The following KRT2 variants were observed in gnomAD, a reference collection of about 807,000 sequenced individuals.
KRT2 encodes the protein keratin, type II cytoskeletal 2 epidermal.
Under a neutral mutation model 48.5 loss-of-function variants are expected in KRT2, and 37 were observed. That is an observed-to-expected ratio of 0.76 (90% CI 0.59 to 1.00). The LOEUF (loss-of-function observed/expected upper bound fraction) is 1.00, where lower values mean the gene tolerates loss of function less well. Among genes scored for constraint, KRT2 ranks in the 50% least tolerant of loss-of-function variants. KRT2 has a pLI of 0.00. For synonymous variants in KRT2, 324 were observed against 312.2 expected (o/e 1.04, Z -0.40); for missense variants, 880 against 815.2 (o/e 1.08, Z -0.97).
chr12:52,647,422 G>A (rs554835906), intron 6 of KRT2, among the ~76,000 whole-genome samples: 5 of 152,212 alleles, frequency 3.3e-5, no homozygotes, highest in Non-Finnish European at 7.3e-5. Flanking sequence ...AGCTCCATCG[G>A]CAATCTGCAG....
Position 52,652,087 on chromosome 12 carries a change from A to G in KRT2, c.56T>C (p.Phe19Ser), listed in dbSNP as rs753933142. 1 of 1,594,678 alleles carries G rather than the reference A, an allele frequency of 6.3e-7. No individual in the cohort carries two copies. Among genetic ancestry groups the G allele is most frequent in the East Asian group, 2.2e-5 (1 of 44,750 alleles). The change falls in exon 1 of 9, where the codon TTC becomes TCC. Residue 19 changes from phenylalanine (F) to serine (S), a missense_variant. By Grantham distance (155) the Phe-to-Ser change is radical. Transcript: ENST00000309680. ...AGCTGAGCCGCTGCTGAAGCCCCGG[A>G]ATCCTCCTCCACCTCCTCCTCTTCC... ...SRGRGGGGGGFRGFSSGSAVV... is the reference protein window; with the variant it reads ...SRGRGGGGGGSRGFSSGSAVV...
Position 52,651,652 on chromosome 12 carries a change from T to C in KRT2, c.491A>G (p.Asn164Ser). The change falls in exon 1 of 9, where the codon AAC (asparagine) becomes AGC (serine). Residue 164 changes from asparagine (N) to serine (S), a missense_variant. Physicochemically the swap from Asn to Ser is conservative, Grantham distance 46 (BLOSUM62 1). Transcript: ENST00000309680. ...SVNQSLLQPLNVKVDPEIQNV... is the reference protein window; with the variant it reads ...SVNQSLLQPLSVKVDPEIQNV... ...CTGGATCTCTGGGTCAACTTTCACG[T>C]TGAGAGGCTGCAGGAGGCTCTGGTT... 3 of 1,614,046 alleles carry C rather than the reference T, an allele frequency of 1.9e-6. No individual in the cohort carries two copies. Among genetic ancestry groups the C allele is most frequent in the Non-Finnish European group, 2.5e-6 (3 of 1,179,980 alleles).
chr12:52,645,556 G>T lies in KRT2; in HGVS notation c.1483C>A (p.Leu495Ile). 1 of 1,614,178 alleles carries T rather than the reference G, an allele frequency of 6.2e-7. No individual in the cohort carries two copies. Among genetic ancestry groups the T allele is most frequent in the Non-Finnish European group, 8.5e-7 (1 of 1,180,030 alleles). ...TTACACACAGTCACATTGCTGCTGA[G>T]GTCTCCAGACATCCTGTAAGGGAGA... ...EGEECRMSGD[L>I]SSNVTVSVTS... Residue 495 changes from leucine (L) to isoleucine (I), a missense_variant, in exon 8 of 9, where the codon CTC (leucine) becomes ATC (isoleucine). Physicochemically the swap from Leu to Ile is conservative, Grantham distance 5 (BLOSUM62 2). Transcript: ENST00000309680.
chr12:52,648,319 G>A lies in KRT2; in HGVS notation c.976C>T (p.Gln326Ter). Reference protein sequence around the residue: ...LYDAEISQIHQSVTDTNVILS... With the variant: ...LYDAEISQIH ...ATGACGTTGGTGTCAGTGACACTCT[G>A]ATGTATCTGGGATATCTCCTACAAC... The change falls in exon 5 of 9, where the codon CAG becomes TAG. Residue 326 changes from glutamine (Q) to a stop codon, truncating the protein, a stop_gained. Transcript: ENST00000309680. LOFTEE classifies it high-confidence loss of function. The A allele has an allele frequency of 1.2e-6, 2 of 1,614,018 alleles. No individual in the cohort carries two copies. The highest frequency in any genetic ancestry group is 2.2e-5 in the East Asian group (1 of 44,872).
At chr12:52,650,063 C>T (rs544188336) in intron 2 of KRT2, 89 bp from the exon 3 acceptor site, 2 of 965,226 alleles carry the variant, frequency 2.1e-6, no homozygotes, top group African/African-American at 3.2e-5. Flanking sequence ...CCAAATGCCC[C>T]ATTCTCTGGG....
chr12:52,645,240 C>A lies in KRT2; in HGVS notation c.1699G>T (p.Gly567Cys), dbSNP rs199836359. 7 of 1,614,054 alleles carry A rather than the reference C, an allele frequency of 4.3e-6. No individual in the cohort carries two copies. The highest frequency in any genetic ancestry group is 5.1e-6 in the Non-Finnish European group (6 of 1,180,004). The change falls in exon 9 of 9, where the codon GGT becomes TGT. Residue 567 changes from glycine (G) to cysteine (C), a missense_variant. Physicochemically the swap from Gly to Cys is radical, Grantham distance 159. Coordinates refer to ENST00000309680, the MANE Select transcript of KRT2 (RefSeq NM_000423.3). ...SISGGGYGSG[G>C]GSGGRYGSGG... is the part of the protein sequence containing the mutation. Reference sequence around the variant, plus strand: ...GATCCGTATCTTCCTCCAGAACCACCGCCAGAGCCATATCCTCCTCCAGAG... The same window carrying A: ...GATCCGTATCTTCCTCCAGAACCACAGCCAGAGCCATATCCTCCTCCAGAG...
chr12:52,647,112 T>G (rs1592255663), intron 6 of KRT2, 152 bp from the exon 7 acceptor site: 5 of 727,376 alleles, frequency 6.9e-6, no homozygotes, highest in Non-Finnish European at 9.7e-6. Flanking sequence ...GACTTGCCGC[T>G]GTCTCTGGCA....
Position 52,646,936 on chromosome 12 carries a change from C to G in KRT2, c.1273G>C (p.Ala425Pro), listed in dbSNP as rs148103071. 22 of 1,614,084 alleles carry G rather than the reference C, an allele frequency of 1.4e-5. No individual in the cohort carries two copies. Among genetic ancestry groups the G allele is most frequent in the East Asian group, 2.2e-5 (1 of 44,874 alleles). The change falls in exon 7 of 9, where the codon GCA becomes CCA. Residue 425 changes from alanine to proline, a missense_variant. Ala to Pro is a conservative substitution (Grantham distance 27). Coordinates refer to ENST00000309680, the MANE Select transcript of KRT2 (RefSeq NM_000423.3). The part of the protein sequence containing the change: ...KQCKNVQDAI[A>P]DAEQRGEHAL... ...TGCTCCCCACGCTGCTCGGCATCTG[C>G]GATGGCATCTTGCACATTCTTACAC...
At chr12:52,648,385 G>T in intron 4 of KRT2, 48 bp from the exon 5 acceptor site, 1 of 1,542,156 alleles carries the variant, frequency 6.5e-7, no homozygotes, top group East Asian at 2.2e-5. Context: ...CATAGCTACA[G>T]GCAGACAGGA....
Position 52,651,731 on chromosome 12 carries a change from G to C in KRT2, c.412C>G (p.Pro138Ala). ...TATCCTCCAGGCCCAAAGCCACCAGGACCCCCTAAACCTCCAACACCACCA... is the reference window on the plus strand; with the variant it reads ...TATCCTCCAGGCCCAAAGCCACCAGCACCCCCTAAACCTCCAACACCACCA... Reference protein sequence around the residue: ...GPGGVGGLGGPGGFGPGGYPG... With the variant: ...GPGGVGGLGGAGGFGPGGYPG... The change falls in exon 1 of 9, where the codon CCT (proline) becomes GCT (alanine). Residue 138 changes from proline (P) to alanine (A), a missense_variant. Pro to Ala is a conservative substitution (Grantham distance 27). Coordinates refer to ENST00000309680, the MANE Select transcript of KRT2 (RefSeq NM_000423.3). The C allele has an allele frequency of 6.2e-7, 1 of 1,613,704 alleles. No individual in the cohort carries two copies. Among genetic ancestry groups the C allele is most frequent in the Non-Finnish European group, 8.5e-7 (1 of 1,179,932 alleles).
intron 4 of KRT2, among the ~76,000 whole-genome samples, chr12:52,648,676 G>A (rs1024939830): frequency 2.0e-5 from 3 of 152,170 alleles, no homozygotes; most frequent in Non-Finnish European, 4.4e-5. Context: ...AGGGGGATAG[G>A]AGACAAATGC....
At chr12:52,647,547 C>T (rs1053084123) in intron 6 of KRT2, among the ~76,000 whole-genome samples, 183 bp downstream of exon 6, 2 of 152,220 alleles carry the variant, frequency 1.3e-5, no homozygotes, top group African/African-American at 2.4e-5. Context: ...TCTATTAGAG[C>T]ACTCTAAGAA....
At chr12:52,648,088 T>C in intron 5 of KRT2, 85 bp downstream of exon 5, 1 of 1,478,568 alleles carries the variant, frequency 6.8e-7, no homozygotes, top group Non-Finnish European at 9.5e-7. Flanking sequence ...AAAAAACCAA[T>C]AACCTTACTG....
intron 6 of KRT2, 68 bp downstream of exon 6, chr12:52,647,662 C>T (rs1342132264): frequency 3.1e-5 from 49 of 1,589,818 alleles, no homozygotes; most frequent in Non-Finnish European, 1.8e-5. Flanking sequence ...CACACTCACA[C>T]ACAACCACAC....
Position 52,644,918 on chromosome 12 carries a change from A to G in KRT2, c.*101T>C, listed in dbSNP as rs1273396379. The G allele has an allele frequency of 7.4e-7, 1 of 1,346,262 alleles. No homozygotes were observed. The highest frequency in any genetic ancestry group is 1.5e-5 in the African/African-American group (1 of 68,542). The allele number at this position is 1,346,262 out of a possible 1,614,324, so 83.4% of individuals were successfully genotyped here. A position where few individuals can be genotyped will look rare whatever the true frequency, so the allele number is the denominator to read the frequency against. On this transcript the variant is annotated 3_prime_UTR_variant, in exon 9 of 9. Coordinates refer to ENST00000309680, the MANE Select transcript of KRT2 (RefSeq NM_000423.3). ...AAAGTGCCATCAGAGATAAATGACA[A>G]AAATTTAACTTGCTGCCAGTTAGAG...
At position 52,650,039 on chromosome 12, in the gene KRT2, A is replaced by G. The variant is rs564919896; in HGVS notation, c.801-65T>C. ...CCTTCATTTTTTTTCTTTTCCTTTTATACTGGATTCACCCCAAATGCCCCA... is the reference window on the plus strand; with the variant it reads ...CCTTCATTTTTTTTCTTTTCCTTTTGTACTGGATTCACCCCAAATGCCCCA... On this transcript the variant is annotated intron_variant, in intron 2 of 8. Coordinates refer to ENST00000309680, the MANE Select transcript of KRT2 (RefSeq NM_000423.3). 3 of 1,219,060 alleles carry G rather than the reference A, an allele frequency of 2.5e-6. No homozygotes were observed. In the African/African-American group the frequency reaches 4.5e-5, roughly 18 times the overall value. 75.5% of individuals were successfully genotyped at this position (1,219,060 alleles called of 1,614,324 possible).
Position 52,645,190 on chromosome 12 carries a change from G to A in KRT2, c.1749C>T (p.Ser583=), listed in dbSNP as rs761626214. 1.2e-6 allele frequency: 2 copies of A among 1,613,810 alleles called. No individual in the cohort carries two copies. Among genetic ancestry groups the A allele is most frequent in the Middle Eastern group, 3.3e-4 (2 of 6,062 alleles). Residue 583 remains serine, a synonymous_variant, in exon 9 of 9, where the codon TCC becomes TCT. Transcript: ENST00000309680. ...YGSGGGSKGG[S]ISGGGYGSGG... is the part of the protein sequence containing the mutation. Reference sequence around the variant, plus strand: ...CAGAGCCATATCCTCCTCCAGAGATGGACCCTCCCTTAGAGCCACCACCAG... The same window carrying A: ...CAGAGCCATATCCTCCTCCAGAGATAGACCCTCCCTTAGAGCCACCACCAG...
intron 5 of KRT2, 37 bp downstream of exon 5, chr12:52,648,136 A>G (rs886602009): frequency 1.9e-6 from 3 of 1,608,644 alleles, no homozygotes; most frequent in African/African-American, 2.7e-5. Context: ...AGCTCATGGC[A>G]GGGAGCTGTG....
Position 52,650,547 on chromosome 12 carries a change from AC to A in KRT2, c.591del (p.Phe198SerfsTer19), listed in dbSNP as rs762055905. 6.2e-7 allele frequency: 1 copy of A among 1,609,324 alleles called. No homozygotes were observed. The highest frequency in any genetic ancestry group is 8.5e-7 in the Non-Finnish European group (1 of 1,178,960). On this transcript the variant is annotated frameshift_variant, in exon 2 of 9. Coordinates refer to ENST00000309680, the MANE Select transcript of KRT2 (RefSeq NM_000423.3). LOFTEE classifies it high-confidence loss of function. ...NKFASFIDKV[R>X]FLEQQNQVLQ... ...AACACCTGGTTCTGCTGCTCCAAGA[AC>A]CGCACCTGCCATGACCAGAAGGAGA...
Sources: allele counts gnomAD v4.1 joint callset (sites outside exome capture counted in the v4.1 genomes callset), GRCh38; gene constraint gnomAD v4.1.1; transcripts MANE v1.5; gene names NCBI Gene and HGNC (gene_info 2026-07-23, HGNC 2026-07-21).